Variants in ADGRB3 observed in about 807,000 individuals in gnomAD.
ADGRB3 encodes the protein adhesion G protein-coupled receptor B3.
ADGRB3 carries 37 observed loss-of-function variants against 193.4 expected under a neutral mutation model. That is an observed-to-expected ratio of 0.19 (90% confidence interval 0.15 to 0.25). The LOEUF is 0.25. Ranked by LOEUF, ADGRB3 falls within the 10% of genes least tolerant of loss-of-function variation. The probability of loss-of-function intolerance (pLI) is 1.00; values close to 1 mark genes in which losing one functional copy is unlikely to be tolerated. For synonymous variants in ADGRB3, 690 were observed against 644.2 expected, an observed-to-expected ratio of 1.07 and a Z score of -1.08; for missense variants, 1,637 against 1,852.9, an observed-to-expected ratio of 0.88 and a Z score of 2.14.
chr6:69,308,891 T>G (rs1175553748), intron 20 of ADGRB3, among the ~76,000 whole-genome samples: 3 of 151,682 alleles, frequency 2.0e-5, no homozygotes, highest in African/African-American at 4.8e-5. Flanking sequence ...CTATTCTTGC[T>G]TACCTTTCAT....
intron 20 of ADGRB3, among the ~76,000 whole-genome samples, chr6:69,281,102 C>A (rs1214054935): frequency 6.6e-6 from 1 of 152,182 alleles, no homozygotes; most frequent in Non-Finnish European, 1.5e-5. Context: ...AATTGAGCCA[C>A]AGACCATAGA....
intron 3 of ADGRB3, among the ~76,000 whole-genome samples, chr6:68,641,644 T>G (rs1768084387): frequency 6.6e-6 from 1 of 152,126 alleles, no homozygotes; most frequent in Admixed American, 6.6e-5. Context: ...GTATTCTGAG[T>G]TCAGAAAGGT....
chr6:68,703,169 CTACTG>C (rs1377694071), intron 3 of ADGRB3, among the ~76,000 whole-genome samples: 1 of 152,114 alleles, frequency 6.6e-6, no homozygotes. Context: ...AACTTCAACT[CTACTG>C]TATGTTTTAA....
In ADGRB3 at chr6:68,788,474, T is replaced by A. The variant is rs1292504783; in HGVS notation, c.758-142085T>A. Among the ~76,000 whole-genome samples, 4 of 152,238 alleles carry A rather than the reference T, an allele frequency of 2.6e-5. No individual in the cohort carries two copies. The East Asian group carries it at 5.8e-4, about 22-fold the overall frequency. ...ATGTAGTTGAGCAGTTTTGAGTGAGTTTCTTAATCCTGAGTTCTAGTTTGA... is the reference window on the plus strand; with the variant it reads ...ATGTAGTTGAGCAGTTTTGAGTGAGATTCTTAATCCTGAGTTCTAGTTTGA... On this transcript the variant is annotated intron_variant, in intron 3 of 31. Coordinates refer to ENST00000370598, the MANE Select transcript of ADGRB3 (RefSeq NM_001704.3).
Position 69,273,690 on chromosome 6 carries a change from C to T in ADGRB3, c.2814+34464C>T, listed in dbSNP as rs921572912. Among the ~76,000 whole-genome samples the T allele has an allele frequency of 7.9e-5, 12 of 152,114 alleles. No homozygotes were observed. In the South Asian group the frequency reaches 8.3e-4, roughly 11 times the overall value. On this transcript the variant is annotated intron_variant, in intron 20 of 31. Transcript: ENST00000370598. ...GCTTTCAAGTTTCTTTGTGTGCCTC[C>T]GTAAAACCAGTAATGCCGAGGAAAA...
intron 3 of ADGRB3, among the ~76,000 whole-genome samples, chr6:68,761,251 A>G (rs1017163587): frequency 6.6e-6 from 1 of 152,194 alleles, no homozygotes; most frequent in Non-Finnish European, 1.5e-5. Context: ...GAAATAATAG[A>G]TAGTATGTAG....
intron 3 of ADGRB3, among the ~76,000 whole-genome samples, chr6:68,850,652 C>T (rs926545448): frequency 2.0e-5 from 3 of 151,988 alleles, no homozygotes; most frequent in East Asian, 3.9e-4. Context: ...TCTTCTCCTA[C>T]GTTTGTTGAG....
At chr6:68,957,628 GCTGTCTGATT>G (rs1041302055) in intron 8 of ADGRB3, among the ~76,000 whole-genome samples, 1 of 152,130 alleles carries the variant, frequency 6.6e-6, no homozygotes. Context: ...GATCTCTCTG[GCTGTCTGATT>G]CCTGGGGGTA....
chr6:69,278,281 T>C (rs548558290), intron 20 of ADGRB3, among the ~76,000 whole-genome samples: 1 of 152,358 alleles, frequency 6.6e-6, no homozygotes, highest in South Asian at 2.1e-4. Flanking sequence ...ATCGTTGTTT[T>C]CATGAGAAAG....
intron 3 of ADGRB3, among the ~76,000 whole-genome samples, chr6:68,685,392 G>T (rs1422148914): frequency 6.6e-6 from 1 of 151,796 alleles, no homozygotes; most frequent in Non-Finnish European, 1.5e-5. Context: ...AAATATGAGA[G>T]CCAAAATAAA....
chr6:68,782,816 G>A (rs551393359), intron 3 of ADGRB3, among the ~76,000 whole-genome samples: 6 of 150,746 alleles, frequency 4.0e-5, no homozygotes, highest in Admixed American at 6.6e-5. Flanking sequence ...TTTTTGATGG[G>A]GTTGTTTGTT....
chr6:69,004,905 G>T (rs1769702051), intron 11 of ADGRB3, among the ~76,000 whole-genome samples: 1 of 152,028 alleles, frequency 6.6e-6, no homozygotes, highest in African/African-American at 2.4e-5. Context: ...CTTTCTTCAG[G>T]ACTGGACCTG....
chr6:69,058,558 C>G (rs1771618064), intron 15 of ADGRB3, among the ~76,000 whole-genome samples: 1 of 151,910 alleles, frequency 6.6e-6, no homozygotes, highest in African/African-American at 2.4e-5. Flanking sequence ...GATCTTTCTT[C>G]TTTTTTAATG....
chr6:68,892,301 A>C (rs774662524), intron 3 of ADGRB3, among the ~76,000 whole-genome samples: 51 of 152,130 alleles, frequency 3.4e-4, no homozygotes, highest in Non-Finnish European at 7.2e-4. Flanking sequence ...AAGCATCTCC[A>C]GCCTCACTCC....
At chr6:69,273,090 G>A (rs1212536086) in intron 20 of ADGRB3, among the ~76,000 whole-genome samples, 1 of 152,026 alleles carries the variant, frequency 6.6e-6, no homozygotes, top group East Asian at 1.9e-4. Flanking sequence ...TAGTAGAGAC[G>A]GGGTTTCACC....
intron 13 of ADGRB3, among the ~76,000 whole-genome samples, chr6:69,044,806 A>T (rs1417833934): frequency 9.2e-5 from 14 of 152,208 alleles, no homozygotes; most frequent in Admixed American, 9.2e-4. Flanking sequence ...AGCACTCAAG[A>T]TGTGCGTATT....
intron 26 of ADGRB3, 45 bp downstream of exon 26, chr6:69,339,549 T>C: frequency 1.3e-6 from 2 of 1,561,154 alleles, no homozygotes; most frequent in Non-Finnish European, 1.8e-6. Flanking sequence ...GTTGGAATGG[T>C]ATTTCCTTGC....
intron 8 of ADGRB3, among the ~76,000 whole-genome samples, chr6:68,957,481 A>G (rs1768107025): frequency 6.6e-6 from 1 of 152,184 alleles, no homozygotes; most frequent in Non-Finnish European, 1.5e-5. Context: ...CCTAAGAAAA[A>G]TATTATAAGT....
chr6:69,280,305 G>T (rs562745307), intron 20 of ADGRB3, among the ~76,000 whole-genome samples: 1 of 152,048 alleles, frequency 6.6e-6, no homozygotes, highest in African/African-American at 2.4e-5. Flanking sequence ...ACTGACCTGC[G>T]TCCCATTTGT....
Sources: gnomAD v4.1 joint callset for allele counts (sites outside exome capture counted in the v4.1 genomes callset) on GRCh38, gnomAD v4.1.1 for gene constraint, MANE v1.5 for transcripts, NCBI Gene and HGNC (gene_info 2026-07-23, HGNC 2026-07-21) for gene names.